Variants in CDKL5 observed in about 807,000 individuals in gnomAD.
CDKL5 encodes cyclin-dependent kinase-like 5.
In CDKL5, 8 loss-of-function variants were observed where a neutral mutation model predicts 61.7. The ratio of observed to expected loss-of-function variants is 0.13; its 90% CI spans 0.08 to 0.23. The LOEUF (loss-of-function observed/expected upper bound fraction) is 0.23. Among genes scored for constraint, CDKL5 ranks in the 10% least tolerant of loss-of-function variants. The pLI is 1.00. For synonymous variants in CDKL5, 275 were observed against 272.3 expected (o/e 1.01, Z -0.10); for missense variants, 440 against 734.5 (o/e 0.60, Z 4.63).
intron 6 of CDKL5, 142 bp from the exon 7 acceptor site, chrX:18,581,749 G>A: frequency 2.4e-6 from 1 of 408,735 alleles, no homozygotes; most frequent in Non-Finnish European, 4.3e-6. Context: ...CATAAAATGT[G>A]TTACTTTATT....
intron 2 of CDKL5, 99 bp downstream of exon 2, chrX:18,507,259 A>T: frequency 1.7e-6 from 1 of 581,439 alleles, no homozygotes; most frequent in Admixed American, 2.3e-5. Flanking sequence ...AATTTAACCT[A>T]TATCAATTCA....
At chrX:18,558,391 T>C (rs1296070733) in intron 3 of CDKL5, among the ~76,000 whole-genome samples, 1 of 111,847 alleles carries the variant, frequency 8.9e-6, no homozygotes, top group Non-Finnish European at 1.9e-5. Flanking sequence ...AGTTATTTTT[T>C]GTATGTTTTT....
chrX:18,478,286 CTTTTT>C (rs199921816), intron 1 of CDKL5, among the ~76,000 whole-genome samples: 2 of 64,919 alleles, frequency 3.1e-5, no homozygotes, highest in Non-Finnish European at 5.3e-5. Flanking sequence ...CTTTTCTTTC[CTTTTT>C]TTTTTTTTTT....
At chrX:18,480,325 A>G (rs182514370) in intron 1 of CDKL5, among the ~76,000 whole-genome samples, 56 of 111,690 alleles carry the variant, frequency 5.0e-4, no homozygotes, top group African/African-American at 1.7e-3. Flanking sequence ...CTGGTGTTGC[A>G]GGTTTTTGGG....
intron 4 of CDKL5, among the ~76,000 whole-genome samples, chrX:18,564,957 C>T (rs754945655): frequency 1.8e-5 from 2 of 111,398 alleles, no homozygotes; most frequent in East Asian, 5.6e-4. Context: ...AGCTCCTAGT[C>T]AGAGTTAGAA....
chrX:18,521,323 C>T (rs2147102313), intron 3 of CDKL5, among the ~76,000 whole-genome samples: 1 of 111,678 alleles, frequency 9.0e-6, no homozygotes, highest in Non-Finnish European at 1.9e-5. Flanking sequence ...TTGTAGGTTG[C>T]CTTTTCACTT....
intron 1 of CDKL5, among the ~76,000 whole-genome samples, chrX:18,501,235 A>C (rs1165785159): frequency 2.7e-5 from 3 of 111,663 alleles, no homozygotes; most frequent in Non-Finnish European, 5.6e-5. Flanking sequence ...GTACAATGGC[A>C]ATATCTCAGC....
chrX:18,649,374 G>A (rs943680508), intron 20 of CDKL5, among the ~76,000 whole-genome samples: 1 of 111,762 alleles, frequency 8.9e-6, no homozygotes, highest in East Asian at 2.8e-4. Flanking sequence ...TTCTGATGAT[G>A]AATGATAAAC....
intron 1 of CDKL5, among the ~76,000 whole-genome samples, chrX:18,454,201 A>C (rs976573082): frequency 6.3e-5 from 7 of 111,531 alleles, no homozygotes; most frequent in Admixed American, 4.8e-4. Flanking sequence ...ACGAATGCAC[A>C]TATAACTATT....
chrX:18,651,264 T>TGTGTGTGTGTGAGA (rs1491242962), intron 21 of CDKL5, among the ~76,000 whole-genome samples: 8 of 69,008 alleles, frequency 1.2e-4, no homozygotes, highest in Middle Eastern at 8.0e-3. Flanking sequence ...TGTGTGTGTG[T>TGTGTGTGTGTGAGA]GAGAGAGAGA....
chrX:18,475,117 C>G (rs973729680), intron 1 of CDKL5, among the ~76,000 whole-genome samples: 1 of 107,955 alleles, frequency 9.3e-6, no homozygotes, highest in East Asian at 2.9e-4. Context: ...CACCACCACA[C>G]CTGGCTAATT....
At chrX:18,626,709 TCTCTCTCTCTCTCTCC>T (rs1927060931) in intron 17 of CDKL5, 1 of 43,828 alleles carries the variant, frequency 2.3e-5, no homozygotes, top group Admixed American at 3.2e-4. Flanking sequence ...TCTCTCTCTC[TCTCTCTCTCTCTCTCC>T]CCCCTCTCTC....
chrX:18,489,309 C>T (rs1467533945), intron 1 of CDKL5, among the ~76,000 whole-genome samples: 3 of 110,233 alleles, frequency 2.7e-5, no homozygotes, highest in Admixed American at 9.7e-5. Context: ...TACAGGCATG[C>T]GCCACCACGC....
chrX:18,464,417 T>G (rs970299294), intron 1 of CDKL5, among the ~76,000 whole-genome samples: 3 of 111,644 alleles, frequency 2.7e-5, no homozygotes, highest in Admixed American at 1.9e-4. Flanking sequence ...ATTGCATTTC[T>G]TTTGTGAAAG....
intron 7 of CDKL5, 56 bp from the exon 8 acceptor site, chrX:18,584,207 A>G: frequency 1.3e-6 from 1 of 797,588 alleles, no homozygotes; most frequent in Non-Finnish European, 1.9e-6. Flanking sequence ...TATTTTGCCC[A>G]CATGAATTAT....
chrX:18,571,937 A>G (rs1444541021), intron 4 of CDKL5, among the ~76,000 whole-genome samples: 3 of 111,692 alleles, frequency 2.7e-5, no homozygotes, highest in Admixed American at 9.6e-5. Context: ...TTTGGGCACT[A>G]CATTCTAGGT....
intron 3 of CDKL5, among the ~76,000 whole-genome samples, chrX:18,526,039 AC>A (rs1296611367): frequency 8.9e-6 from 1 of 112,042 alleles, no homozygotes; most frequent in Non-Finnish European, 1.9e-5. Flanking sequence ...GAGCCACCGC[AC>A]CCGGCCAACA....
At chrX:18,478,329 C>T (rs1921401768) in intron 1 of CDKL5, among the ~76,000 whole-genome samples, 3 of 90,483 alleles carry the variant, frequency 3.3e-5, no homozygotes, top group African/African-American at 8.4e-5. Context: ...CTCACTTTGT[C>T]GCCCAGGTTG....
intron 1 of CDKL5, among the ~76,000 whole-genome samples, chrX:18,492,240 C>T (rs1404887331): frequency 9.0e-6 from 1 of 110,861 alleles, no homozygotes; most frequent in Non-Finnish European, 1.9e-5. Context: ...ATTTGAGTAA[C>T]TTTTTTATGT....
Sources: allele counts gnomAD v4.1 joint callset (sites outside exome capture counted in the v4.1 genomes callset), GRCh38; gene constraint gnomAD v4.1.1; transcripts MANE v1.5; gene names NCBI Gene and HGNC (gene_info 2026-07-23, HGNC 2026-07-21).